The following VPS54 variants were observed in gnomAD, a reference collection of about 807,000 sequenced individuals.
VPS54 encodes the protein vacuolar protein sorting-associated protein 54.
In VPS54, 45 loss-of-function variants were observed where a neutral mutation model predicts 121.5. The ratio of observed to expected loss-of-function variants is 0.37; its 90% CI spans 0.29 to 0.47. The LOEUF (loss-of-function observed/expected upper bound fraction) is 0.47. Ranked by LOEUF, VPS54 falls within the 20% of genes least tolerant of loss-of-function variation. The pLI is 0.99. For missense variants in VPS54, 1,090 were observed against 1,131.4 expected, an observed-to-expected ratio of 0.96 and a Z score of 0.52; for synonymous variants, 371 against 385.8, an observed-to-expected ratio of 0.96 and a Z score of 0.45.
In VPS54 at chr2:63,917,005, C is replaced by T. The variant is rs10496103; in HGVS notation, c.2165-42G>A. On this transcript the variant is annotated intron_variant, in intron 15 of 22. Coordinates refer to ENST00000272322, the MANE Select transcript of VPS54 (RefSeq NM_016516.3). Reference sequence around the variant, plus strand: ...ATAAACGAGAGACAAGAGTACCAGACGAAACAAAATAGAGAAAAAGCTGAA... The same window carrying T: ...ATAAACGAGAGACAAGAGTACCAGATGAAACAAAATAGAGAAAAAGCTGAA... The T allele has an allele frequency of 0.021, 34,180 of 1,599,146 alleles. 587 individuals are homozygous for T. Among genetic ancestry groups the T allele is most frequent in the Admixed American group, 0.073 (4,331 of 59,662 alleles).
chr2:64,000,087 C>A (rs1318812310), intron 1 of VPS54, among the ~76,000 whole-genome samples: 1 of 151,984 alleles, frequency 6.6e-6, no homozygotes. Flanking sequence ...GTCTCGAACT[C>A]CTGACCTCAT....
At chr2:63,943,549 C>A (rs1575939431) in intron 10 of VPS54, among the ~76,000 whole-genome samples, 1 of 152,280 alleles carries the variant, frequency 6.6e-6, no homozygotes, top group South Asian at 2.1e-4. Context: ...GAAATTAATA[C>A]TCCATTCTGT....
At chr2:63,977,039 G>A (rs189618749) in intron 3 of VPS54, among the ~76,000 whole-genome samples, 2 of 152,042 alleles carry the variant, frequency 1.3e-5, no homozygotes, top group Non-Finnish European at 2.9e-5. Context: ...ATGTTGGCCA[G>A]GCTGGTCTCG....
In VPS54 at chr2:63,944,499, T is replaced by C. The variant is rs972835614; in HGVS notation, c.1301+101A>G. 2.3e-5 allele frequency: 26 copies of C among 1,135,800 alleles called. No homozygotes were observed. In the African/African-American group the frequency reaches 3.4e-4, roughly 15 times the overall value. The allele number at this position is 1,135,800 out of a possible 1,614,324, so 70.4% of individuals were successfully genotyped here. A position where few individuals can be genotyped will look rare whatever the true frequency, so the allele number is the denominator to read the frequency against. On this transcript the variant is annotated intron_variant, in intron 10 of 22. Transcript: ENST00000272322. ...ATTTTCCTACACCCTGCTCACACCTTAGTAAATAATTCCTTAACGAAATCT... is the reference window on the plus strand; with the variant it reads ...ATTTTCCTACACCCTGCTCACACCTCAGTAAATAATTCCTTAACGAAATCT...
At chr2:63,900,887 C>G (rs1010623141) in intron 20 of VPS54, among the ~76,000 whole-genome samples, 2 of 152,040 alleles carry the variant, frequency 1.3e-5, no homozygotes, top group African/African-American at 4.8e-5. Flanking sequence ...CTCAGCCTCC[C>G]GAGTAGCTGG....
intron 1 of VPS54, among the ~76,000 whole-genome samples, chr2:64,015,419 A>G (rs1379276009): frequency 6.6e-6 from 1 of 152,156 alleles, no homozygotes; most frequent in Non-Finnish European, 1.5e-5. Flanking sequence ...TTCACCAAAC[A>G]TCGCCCACTG....
At chr2:63,968,591 C>T (rs745394704) in intron 5 of VPS54, among the ~76,000 whole-genome samples, 2 of 151,798 alleles carry the variant, frequency 1.3e-5, no homozygotes, top group African/African-American at 2.4e-5. Context: ...TGGTGGCATG[C>T]GCCTGTAATC....
rs1381364211 is a variant in VPS54 at position 63,942,472 on chromosome 2, C to T, written c.1391G>A (p.Arg464Lys). The T allele has an allele frequency of 3.2e-6, 5 of 1,585,270 alleles. No individual in the cohort carries two copies. The highest frequency in any genetic ancestry group is 8.6e-7 in the Non-Finnish European group (1 of 1,165,092). ...IFSKFTIFLQ[R>K]VKATLNIIHS... ...ACTAATTTATAAGCTTACCTTCACT[C>T]TCTGTAGGAAAATTGTAAACTTAGA... The change falls in exon 11 of 23, where the codon AGA (arginine) becomes AAA (lysine). Residue 464 changes from arginine to lysine, a missense_variant. Arg to Lys is a conservative substitution (Grantham distance 26). This residue lies in a region of VPS54 where 801 missense variants were observed against 757.0 expected (regional missense o/e 1.06). Transcript: ENST00000272322.
intron 14 of VPS54, 148 bp downstream of exon 14, chr2:63,920,298 G>T: frequency 1.4e-6 from 1 of 698,742 alleles, no homozygotes; most frequent in Non-Finnish European, 2.1e-6. Flanking sequence ...GCCAAGAAAT[G>T]TGATTTTAAT....
intron 5 of VPS54, among the ~76,000 whole-genome samples, chr2:63,966,310 T>G (rs1166827595): frequency 2.6e-5 from 4 of 152,236 alleles, no homozygotes; most frequent in African/African-American, 9.6e-5. Flanking sequence ...TTCCCACTGA[T>G]AGTTTTTTAA....
intron 12 of VPS54, among the ~76,000 whole-genome samples, chr2:63,924,995 G>T (rs1673830897): frequency 6.6e-6 from 1 of 152,118 alleles, no homozygotes; most frequent in South Asian, 2.1e-4. Flanking sequence ...AAGTCTTTAA[G>T]GTAGAGAAAG....
In VPS54 at chr2:63,962,175, T is replaced by C; in HGVS notation, c.893A>G (p.Gln298Arg). 1 of 1,614,012 alleles carries C rather than the reference T, an allele frequency of 6.2e-7. No individual in the cohort carries two copies. The highest frequency in any genetic ancestry group is 2.2e-5 in the East Asian group (1 of 44,872). ...NKLKLMATVH[Q>R]TQPTVQVLLS... ...TAACACCTGTACTGTAGGCTGAGTC[T>C]GGTGTACAGTGGCCATTAACTTCAG... is the stretch of plus-strand genomic sequence containing the variant. The change falls in exon 7 of 23, where the codon CAG (glutamine) becomes CGG (arginine). Residue 298 changes from glutamine to arginine, a missense_variant. Gln to Arg is a conservative substitution (Grantham distance 43). This residue lies in a region of VPS54 where 801 missense variants were observed against 757.0 expected (regional missense o/e 1.06). Transcript: ENST00000272322.
At chr2:63,940,712 AG>A (rs1173274302) in intron 11 of VPS54, among the ~76,000 whole-genome samples, 2 of 151,322 alleles carry the variant, frequency 1.3e-5, no homozygotes, top group Admixed American at 1.3e-4. Flanking sequence ...ATAACATTGA[AG>A]ACTTACTGTA....
chr2:63,895,081 T>C (rs1672388475), intron 22 of VPS54, among the ~76,000 whole-genome samples: 1 of 152,136 alleles, frequency 6.6e-6, no homozygotes, highest in South Asian at 2.1e-4. Context: ...CAATTCTGGG[T>C]AGTAGAAATA....
intron 13 of VPS54, among the ~76,000 whole-genome samples, chr2:63,920,864 G>A (rs900233845): frequency 6.6e-6 from 1 of 151,954 alleles, no homozygotes; most frequent in Non-Finnish European, 1.5e-5. Context: ...TTTTCACAAT[G>A]TTGGAGTTTT....
chr2:63,920,712 C>A, intron 13 of VPS54, 85 bp from the exon 14 acceptor site: 1 of 736,462 alleles, frequency 1.4e-6, no homozygotes, highest in Non-Finnish European at 1.9e-6. Context: ...TTATTATAAT[C>A]TATATATTTT....
chr2:63,909,413 C>CTT (rs5831673), intron 20 of VPS54, among the ~76,000 whole-genome samples: 17 of 69,938 alleles, frequency 2.4e-4, no homozygotes, highest in South Asian at 5.2e-4. Flanking sequence ...TATTAGCTGC[C>CTT]TTTTTTTTTT....
intron 1 of VPS54, among the ~76,000 whole-genome samples, chr2:64,011,147 A>T (rs537131347): frequency 6.6e-6 from 1 of 152,268 alleles, no homozygotes; most frequent in Non-Finnish European, 1.5e-5. Flanking sequence ...TGATATCTTT[A>T]TCAGGAAGAA....
At chr2:63,913,143 T>C in intron 18 of VPS54, 80 bp downstream of exon 18, 1 of 1,156,586 alleles carries the variant, frequency 8.6e-7, no homozygotes. Flanking sequence ...CATGAAAACA[T>C]GAGGTATAAA....
Sources: gnomAD v4.1 joint callset for allele counts (sites outside exome capture counted in the v4.1 genomes callset) on GRCh38, gnomAD v4.1.1 for gene constraint, gnomAD v4.1.1 regional missense constraint, MANE v1.5 for transcripts, NCBI Gene and HGNC (gene_info 2026-07-23, HGNC 2026-07-21) for gene names.